Variants in CIB4 observed in about 807,000 individuals in gnomAD.
CIB4 encodes the protein calcium and integrin binding family member 4, also known as calcium and integrin-binding family member 4.
A neutral mutation model predicts 25.8 loss-of-function variants in CIB4; 25 were observed. The observed-to-expected ratio is 0.97, with a 90% CI of 0.71 to 1.35. The LOEUF (loss-of-function observed/expected upper bound fraction) is 1.35, where lower values mean the gene tolerates loss of function less well. Ranked by LOEUF, CIB4 falls within the 40% of genes most tolerant of loss-of-function variation. CIB4 has a pLI of 0.00. For missense variants in CIB4, 235 were observed against 228.2 expected (o/e 1.03, Z -0.19); for synonymous variants, 75 against 81.4 (o/e 0.92, Z 0.42).
rs1572532836 is a variant in CIB4, at chr2:26,581,296, A to T, written c.*67T>A. ...GTCATACTTCAAACCAGCTCCCTCC[A>T]GTGCTGGAGGGGGTTCGATTCCTGT... On this transcript the variant is annotated 3_prime_UTR_variant, in exon 7 of 7. Coordinates refer to ENST00000288861, the MANE Select transcript of CIB4 (RefSeq NM_001029881.3). 7.4e-7 allele frequency: 1 copy of T among 1,345,330 alleles called. No individual in the cohort carries two copies. The allele number at this position is 1,345,330 out of a possible 1,614,324, so 83.3% of individuals were successfully genotyped here. A position where few individuals can be genotyped will look rare whatever the true frequency, so the allele number is the denominator to read the frequency against.
chr2:26,600,071 CA>C lies in CIB4; in HGVS notation c.187-4755del, dbSNP rs34881604. 1.9e-3 allele frequency among the ~76,000 whole-genome samples: 220 copies of C among 115,484 alleles called. 11 individuals carry two copies. Among genetic ancestry groups the C allele is most frequent in the Admixed American group, 4.4e-3 (53 of 12,008 alleles). 75.8% of individuals were successfully genotyped at this position (115,484 alleles called of 152,430 possible). A position where few individuals can be genotyped will look rare whatever the true frequency, so the allele number is the denominator to read the frequency against. ...CTGGTGACAGAGCGAGACTCTGTCT[CA>C]AAAAAAAAAAAAAAAGATATGATTA... On this transcript the variant is annotated intron_variant, in intron 3 of 6. Transcript: ENST00000288861.
chr2:26,598,682 G>T (rs1319527650), intron 3 of CIB4, among the ~76,000 whole-genome samples: 4 of 152,182 alleles, frequency 2.6e-5, no homozygotes, highest in Non-Finnish European at 4.4e-5. Flanking sequence ...CCAGGAGAGT[G>T]TCCCAGGGCT....
chr2:26,587,499 T>C (rs1046381172), intron 4 of CIB4, among the ~76,000 whole-genome samples: 1 of 152,002 alleles, frequency 6.6e-6, no homozygotes, highest in African/African-American at 2.4e-5. Flanking sequence ...TCCTCATCTG[T>C]AAAACGGGAG....
chr2:26,613,140 C>A lies in CIB4; in HGVS notation c.186+16270G>T, dbSNP rs568366888. Among the ~76,000 whole-genome samples, 217 of 152,222 alleles carry A rather than the reference C, an allele frequency of 1.4e-3. 1 individual carries two copies. The highest frequency in any genetic ancestry group is 5.1e-3 in the African/African-American group (210 of 41,538). On this transcript the variant is annotated intron_variant, in intron 3 of 6. Coordinates refer to ENST00000288861, the MANE Select transcript of CIB4 (RefSeq NM_001029881.3). Reference sequence around the variant, plus strand: ...TTCTAGGAGAGTGGGTTTTTCCCACCGGAGCCTGATCCCCCAGCTTATGCC... The same window carrying A: ...TTCTAGGAGAGTGGGTTTTTCCCACAGGAGCCTGATCCCCCAGCTTATGCC...
intron 2 of CIB4, among the ~76,000 whole-genome samples, chr2:26,634,615 C>T (rs999426496): frequency 6.6e-6 from 1 of 152,198 alleles, no homozygotes; most frequent in East Asian, 1.9e-4. Context: ...GGGTAAGACA[C>T]TCCCCCGTGT....
At chr2:26,595,395 C>T in intron 3 of CIB4, 78 bp from the exon 4 acceptor site, 1 of 1,482,304 alleles carries the variant, frequency 6.7e-7, no homozygotes, top group African/African-American at 1.4e-5. Context: ...TCATCTATTA[C>T]AAACACTGTG....
chr2:26,589,006 T>TTCC (rs1558554633), intron 4 of CIB4, among the ~76,000 whole-genome samples: 1 of 15,908 alleles, frequency 6.3e-5, no homozygotes, highest in African/African-American at 2.4e-4. Context: ...CTTCTTCTTC[T>TTCC]TCTTCTTCTT....
intron 4 of CIB4, 80 bp downstream of exon 4, chr2:26,595,096 G>GCC: frequency 2.2e-6 from 3 of 1,360,234 alleles, no homozygotes; most frequent in Non-Finnish European, 3.1e-6. Flanking sequence ...ATCCATCAAT[G>GCC]AACTGATGAT....
intron 3 of CIB4, among the ~76,000 whole-genome samples, chr2:26,609,481 A>G (rs1480326697): frequency 6.6e-6 from 1 of 152,146 alleles, no homozygotes; most frequent in Non-Finnish European, 1.5e-5. Flanking sequence ...AGAGGCCGAG[A>G]GTTTTGTCTG....
intron 4 of CIB4, among the ~76,000 whole-genome samples, chr2:26,594,391 G>C (rs1668641326): frequency 1.3e-5 from 2 of 152,190 alleles, no homozygotes; most frequent in African/African-American, 4.8e-5. Flanking sequence ...CTCTTCTACT[G>C]TCTTCTATCC....
At chr2:26,594,536 T>C (rs1010787275) in intron 4 of CIB4, among the ~76,000 whole-genome samples, 8 of 152,184 alleles carry the variant, frequency 5.3e-5, no homozygotes, top group African/African-American at 1.7e-4. Flanking sequence ...GCCAAAAAGT[T>C]ATCAGGATGC....
intron 2 of CIB4, among the ~76,000 whole-genome samples, chr2:26,637,007 T>TA (rs1396884768): frequency 3.3e-5 from 5 of 152,194 alleles, no homozygotes; most frequent in African/African-American, 1.2e-4. Flanking sequence ...TTTCGATTTC[T>TA]ACTTACAGGG....
intron 4 of CIB4, among the ~76,000 whole-genome samples, chr2:26,594,442 C>A (rs908047062): frequency 1.3e-4 from 20 of 152,154 alleles, no homozygotes; most frequent in African/African-American, 4.8e-4. Context: ...TGGAGTCCAC[C>A]ATGTGGAGAC....
intron 3 of CIB4, among the ~76,000 whole-genome samples, chr2:26,624,164 A>C (rs2148219867): frequency 6.6e-6 from 1 of 152,278 alleles, no homozygotes; most frequent in East Asian, 1.9e-4. Flanking sequence ...CAAGTTAAGA[A>C]AACAAAGCTT....
At chr2:26,638,690 C>T (rs1669578755) in intron 2 of CIB4, among the ~76,000 whole-genome samples, 1 of 152,178 alleles carries the variant, frequency 6.6e-6, no homozygotes, top group African/African-American at 2.4e-5. Context: ...CAGTGGCTCA[C>T]CCCTGTAATC....
intron 4 of CIB4, among the ~76,000 whole-genome samples, chr2:26,594,814 T>A (rs1668648911): frequency 6.6e-6 from 1 of 152,074 alleles, no homozygotes; most frequent in Non-Finnish European, 1.5e-5. Flanking sequence ...TTGTCCAAGA[T>A]TGTTCAAATT....
chr2:26,587,303 T>TCAAAA, intron 4 of CIB4, among the ~76,000 whole-genome samples: 1 of 1,288 alleles, frequency 7.8e-4, no homozygotes, highest in Non-Finnish European at 2.6e-3. Context: ...AGACTCCGTC[T>TCAAAA]CAAAAAAAAA....
At chr2:26,597,574 T>C (rs1336311298) in intron 3 of CIB4, among the ~76,000 whole-genome samples, 1 of 152,206 alleles carries the variant, frequency 6.6e-6, no homozygotes, top group African/African-American at 2.4e-5. Flanking sequence ...TAGCATAGTG[T>C]AAGGAAGAAA....
chr2:26,620,491 G>A (rs983585140), intron 3 of CIB4, among the ~76,000 whole-genome samples: 1 of 152,174 alleles, frequency 6.6e-6, no homozygotes, highest in African/African-American at 2.4e-5. Flanking sequence ...CACGGGGGAC[G>A]TCAGACATGG....
Sources: allele counts gnomAD v4.1 joint callset (sites outside exome capture counted in the v4.1 genomes callset), GRCh38; gene constraint gnomAD v4.1.1; transcripts MANE v1.5; gene names NCBI Gene and HGNC (gene_info 2026-07-23, HGNC 2026-07-21).